The following SLC38A6 variants were observed in gnomAD, a reference collection of about 807,000 sequenced individuals.
SLC38A6 encodes the protein solute carrier family 38 member 6.
In SLC38A6, 73 loss-of-function variants were observed where a neutral mutation model predicts 65.0. That is an observed-to-expected ratio of 1.12 (90% CI 0.93 to 1.37). SLC38A6 has a LOEUF of 1.37. Ranked by LOEUF, SLC38A6 falls within the 40% of genes most tolerant of loss-of-function variation. The pLI, the probability that SLC38A6 is intolerant of heterozygous loss-of-function variation, is 0.00. For synonymous variants in SLC38A6, 183 were observed against 178.8 expected, an observed-to-expected ratio of 1.02 and a Z score of -0.19; for missense variants, 561 against 531.1, an observed-to-expected ratio of 1.06 and a Z score of -0.55.
chr14:60,984,774 ATCT>A lies in SLC38A6; in HGVS notation c.285_287del (p.Leu97del). The A allele has an allele frequency of 6.2e-7, 1 of 1,613,932 alleles. No homozygotes were observed. Among genetic ancestry groups the A allele is most frequent in the Non-Finnish European group, 8.5e-7 (1 of 1,179,904 alleles). On this transcript the variant is annotated inframe_deletion, in exon 3 of 16. Transcript: ENST00000267488. ...GCTCTCCTGGCTTCTTACTCAGTCC[ATCT>A]TCTGCTTAGTATGTGTATTCAGACA...
intron 15 of SLC38A6, among the ~76,000 whole-genome samples, chr14:61,064,115 C>T (rs1182585485): frequency 2.0e-5 from 3 of 152,130 alleles, no homozygotes; most frequent in Non-Finnish European, 2.9e-5. Context: ...GAGTGCTTTC[C>T]CACAGTTTAC....
chr14:61,070,215 C>T (rs12893450), intron 15 of SLC38A6, among the ~76,000 whole-genome samples: 15,706 of 152,266 alleles, frequency 0.1, 1,067 homozygotes, highest in Middle Eastern at 0.18. Context: ...CCCTATTTCC[C>T]TGTTCCTGCA....
intron 16 of SLC38A6, among the ~76,000 whole-genome samples, chr14:61,079,115 T>C (rs2043541608): frequency 1.3e-5 from 2 of 148,152 alleles, no homozygotes; most frequent in Admixed American, 1.4e-4. Flanking sequence ...AGACTTCCTA[T>C]GAGTTCCTGC....
chr14:61,025,707 AT>A (rs945291139), intron 5 of SLC38A6, among the ~76,000 whole-genome samples: 19 of 152,196 alleles, frequency 1.2e-4, no homozygotes, highest in Admixed American at 9.8e-4. Context: ...AAAGATATAC[AT>A]TTTTTTCTAG....
chr14:61,077,422 G>A (rs918755017), intron 15 of SLC38A6, among the ~76,000 whole-genome samples: 1 of 152,142 alleles, frequency 6.6e-6, no homozygotes, highest in Non-Finnish European at 1.5e-5. Flanking sequence ...ACCTTTGGGA[G>A]CGAAAAATAT....
intron 3 of SLC38A6, among the ~76,000 whole-genome samples, chr14:61,002,641 C>G (rs2038791631): frequency 6.6e-6 from 1 of 152,134 alleles, no homozygotes; most frequent in South Asian, 2.1e-4. Context: ...CCTGTGGAGG[C>G]CAAACTCTTG....
rs1284118887 is a variant in SLC38A6, at chr14:61,045,394, T to A, written c.793T>A (p.Ser265Thr). ...GGCTTTTTCATTTCTCTGCCATACC[T>A]CAATATTGCCCATATACTGTGAACT... is the stretch of plus-strand genomic sequence containing the variant. ...TMAFSFLCHT[S>T]ILPIYCELQS... Residue 265 changes from serine (S) to threonine (T), a missense_variant, in exon 11 of 16, where the codon TCA becomes ACA. Transcript: ENST00000267488. 2.5e-6 allele frequency: 4 copies of A among 1,613,442 alleles called. No individual in the cohort carries two copies. The East Asian group carries it at 6.7e-5, about 27-fold the overall frequency.
At chr14:60,984,160 A>G (rs553587191) in intron 2 of SLC38A6, among the ~76,000 whole-genome samples, 1 of 152,324 alleles carries the variant, frequency 6.6e-6, no homozygotes, top group Admixed American at 6.5e-5. Flanking sequence ...ACATTTTTCA[A>G]ATTGCATCAT....
In SLC38A6 at chr14:61,050,645, T is replaced by C; in HGVS notation, c.1050+9T>C. On this transcript the variant is annotated intron_variant, in intron 13 of 15. Transcript: ENST00000267488. ...CTCTAATCCACTTCCCTGTAAGTAC[T>C]CTTAAAGGGTTTTGTTGCCTAGTAT... 1 of 1,534,782 alleles carries C rather than the reference T, an allele frequency of 6.5e-7. No homozygotes were observed.
intron 3 of SLC38A6, among the ~76,000 whole-genome samples, chr14:61,008,609 A>G (rs2039327144): frequency 6.6e-6 from 1 of 152,200 alleles, no homozygotes; most frequent in Admixed American, 6.5e-5. Context: ...ATCACTAGTT[A>G]AAACATAAAG....
At chr14:61,025,298 A>G (rs2040544394) in intron 5 of SLC38A6, among the ~76,000 whole-genome samples, 1 of 152,202 alleles carries the variant, frequency 6.6e-6, no homozygotes, top group South Asian at 2.1e-4. Context: ...TTCTTCCTGT[A>G]TATTCATTCA....
intron 3 of SLC38A6, among the ~76,000 whole-genome samples, chr14:61,006,364 A>T (rs2039119552): frequency 1.3e-5 from 2 of 152,260 alleles, no homozygotes; most frequent in African/African-American, 4.8e-5. Flanking sequence ...TTCACAGCAA[A>T]AGAAACTACC....
intron 8 of SLC38A6, 133 bp from the exon 9 acceptor site, chr14:61,043,014 G>A (rs574245848): frequency 3.8e-5 from 22 of 577,742 alleles, no homozygotes; most frequent in Middle Eastern, 4.9e-4. Context: ...CATTCTAACC[G>A]GGAAAAGTCA....
At chr14:61,076,133 G>T (rs1315046025) in intron 15 of SLC38A6, among the ~76,000 whole-genome samples, 1 of 152,148 alleles carries the variant, frequency 6.6e-6, no homozygotes, top group African/African-American at 2.4e-5. Context: ...GGGATTGCAG[G>T]CATGAGCCAC....
intron 15 of SLC38A6, among the ~76,000 whole-genome samples, chr14:61,072,030 A>G (rs1382915500): frequency 2.0e-5 from 3 of 152,002 alleles, no homozygotes; most frequent in Non-Finnish European, 2.9e-5. Context: ...TGCTTAGTCT[A>G]TTTTGTGTTG....
chr14:61,013,917 G>C (rs967978230), intron 3 of SLC38A6, among the ~76,000 whole-genome samples: 1 of 152,116 alleles, frequency 6.6e-6, no homozygotes, highest in Non-Finnish European at 1.5e-5. Context: ...TTTCCTGAAT[G>C]TGAATGTTGG....
intron 13 of SLC38A6, among the ~76,000 whole-genome samples, chr14:61,051,096 G>C (rs2042481198): frequency 6.6e-6 from 1 of 152,094 alleles, no homozygotes; most frequent in Non-Finnish European, 1.5e-5. Context: ...AATTTAAGGG[G>C]CAAAACAGAT....
chr14:60,996,487 G>C (rs2038302253), intron 3 of SLC38A6, among the ~76,000 whole-genome samples: 1 of 151,990 alleles, frequency 6.6e-6, no homozygotes, highest in African/African-American at 2.4e-5. Flanking sequence ...AAGAAAATTA[G>C]AAGATCAGTC....
rs933473800 is a variant in SLC38A6 at position 61,075,456 on chromosome 14, A to G, written c.1291-3354A>G. 2.6e-5 allele frequency among the ~76,000 whole-genome samples: 4 copies of G among 152,194 alleles called. No homozygotes were observed. In the East Asian group the frequency reaches 7.7e-4, roughly 29 times the overall value. On this transcript the variant is annotated intron_variant, in intron 15 of 16. Transcript: ENST00000354886. ...GTGGGCACATCAGGAGGGTTGTGGG[A>G]CGATCCTCATATGAGGGATGTGATT...
Sources: allele counts gnomAD v4.1 joint callset (sites outside exome capture counted in the v4.1 genomes callset), GRCh38; gene constraint gnomAD v4.1.1; transcripts MANE v1.5; gene names NCBI Gene and HGNC (gene_info 2026-07-23, HGNC 2026-07-21).